The following NRG1 variants were observed in gnomAD, a reference collection of about 807,000 sequenced individuals.
The protein encoded by NRG1 is neuregulin 1.
NRG1 carries 18 observed loss-of-function variants against 63.8 expected under a neutral mutation model. That is an observed-to-expected ratio of 0.28 (90% CI 0.19 to 0.42). The LOEUF (loss-of-function observed/expected upper bound fraction) is 0.42, where lower values mean the gene tolerates loss of function less well. Ranked by LOEUF, NRG1 falls within the 10% of genes least tolerant of loss-of-function variation. The probability of loss-of-function intolerance (pLI) is 1.00; values close to 1 mark genes in which losing one functional copy is unlikely to be tolerated. For missense variants in NRG1, 762 were observed against 814.7 expected (o/e 0.94, Z 0.79); for synonymous variants, 302 against 301.3 (o/e 1.00, Z -0.02).
At chr8:32,585,362 A>T (rs1350025702) in intron 1 of NRG1, among the ~76,000 whole-genome samples, 1 of 152,200 alleles carries the variant, frequency 6.6e-6, no homozygotes, top group Non-Finnish European at 1.5e-5. Flanking sequence ...TTTATGTCCG[A>T]GAGTGAGATG....
At chr8:32,070,362 G>A (rs1311204118) in intron 1 of NRG1, among the ~76,000 whole-genome samples, 1 of 152,114 alleles carries the variant, frequency 6.6e-6, no homozygotes, top group Non-Finnish European at 1.5e-5. Context: ...ACCTTGCTCT[G>A]TAAGACTGCT....
intron 1 of NRG1, among the ~76,000 whole-genome samples, chr8:31,733,054 A>C (rs980217867): frequency 3.3e-5 from 5 of 152,178 alleles, no homozygotes; most frequent in African/African-American, 1.2e-4. Context: ...AAATGAGAAC[A>C]TGCAGCATTT....
At chr8:32,631,693 T>C (rs1850342722) in intron 5 of NRG1, among the ~76,000 whole-genome samples, 1 of 152,212 alleles carries the variant, frequency 6.6e-6, no homozygotes, top group South Asian at 2.1e-4. Flanking sequence ...ATGCTTATGG[T>C]ATTTATAGTA....
At chr8:31,767,575 C>T (rs1401558381) in intron 1 of NRG1, among the ~76,000 whole-genome samples, 2 of 152,114 alleles carry the variant, frequency 1.3e-5, no homozygotes, top group Non-Finnish European at 2.9e-5. Flanking sequence ...CACGGTGGCT[C>T]TTGCCTATAA....
chr8:32,626,473 G>T (rs568011559), intron 5 of NRG1, among the ~76,000 whole-genome samples: 8 of 151,884 alleles, frequency 5.3e-5, no homozygotes, highest in Non-Finnish European at 1.2e-4. Context: ...AAGGTCAGGA[G>T]ATCGAGACCA....
chr8:32,054,681 A>G (rs535142530), intron 1 of NRG1, among the ~76,000 whole-genome samples: 1 of 152,184 alleles, frequency 6.6e-6, no homozygotes, highest in South Asian at 2.1e-4. Context: ...CACTGTAGTA[A>G]TTAACTGGGT....
intron 1 of NRG1, among the ~76,000 whole-genome samples, chr8:32,032,016 A>T (rs1313284603): frequency 6.6e-6 from 1 of 152,136 alleles, no homozygotes; most frequent in East Asian, 1.9e-4. Flanking sequence ...TTCTGGTTTT[A>T]GATATCACAA....
chr8:32,313,742 T>A lies in NRG1; in HGVS notation c.38-282086T>A, dbSNP rs558590617. Among the ~76,000 whole-genome samples the A allele has an allele frequency of 6.6e-5, 10 of 152,312 alleles. No individual in the cohort carries two copies. In the South Asian group the frequency reaches 8.3e-4, roughly 13 times the overall value. On this transcript the variant is annotated intron_variant, in intron 1 of 10. Coordinates refer to the NRG1 transcript ENST00000519301. ...TACTGTAAAACTGGTAAATTATTTT[T>A]AAAACATCATAAGGCCCCCAAATCC...
intron 1 of NRG1, among the ~76,000 whole-genome samples, chr8:32,567,653 T>A (rs1313577442): frequency 6.6e-6 from 1 of 152,232 alleles, no homozygotes; most frequent in African/African-American, 2.4e-5. Flanking sequence ...ACTTCTTTTT[T>A]ATATAAACTG....
chr8:31,990,411 C>A (rs1586306398), intron 1 of NRG1, among the ~76,000 whole-genome samples: 1 of 151,918 alleles, frequency 6.6e-6, no homozygotes, highest in Non-Finnish European at 1.5e-5. Flanking sequence ...GTAGAAATGC[C>A]CAGACAAGAC....
At chr8:32,259,369 T>C (rs1850106538) in intron 1 of NRG1, among the ~76,000 whole-genome samples, 1 of 152,178 alleles carries the variant, frequency 6.6e-6, no homozygotes, top group South Asian at 2.1e-4. Flanking sequence ...GGGTTAGTTA[T>C]TGTGGGAGAG....
At chr8:32,647,334 C>T in intron 5 of NRG1, 4 of 985,416 alleles carry the variant, frequency 4.1e-6, no homozygotes, top group Non-Finnish European at 3.6e-6. Flanking sequence ...CAGACACCAG[C>T]TTCAGATGCT....
chr8:32,761,822 C>T (rs943066078), intron 11 of NRG1, among the ~76,000 whole-genome samples: 6 of 151,556 alleles, frequency 4.0e-5, no homozygotes, highest in Non-Finnish European at 7.4e-5. Context: ...GGGTAGATCA[C>T]GAGGTCAGGA....
At chr8:32,394,396 C>T (rs775688697) in intron 1 of NRG1, among the ~76,000 whole-genome samples, 32 of 152,208 alleles carry the variant, frequency 2.1e-4, no homozygotes, top group Non-Finnish European at 1.8e-4. Context: ...ACTTAAGCCA[C>T]GTTTTATCTA....
At chr8:32,597,188 G>A (rs1438013044) in intron 2 of NRG1, among the ~76,000 whole-genome samples, 1 of 152,138 alleles carries the variant, frequency 6.6e-6, no homozygotes, top group African/African-American at 2.4e-5. Context: ...ATCTCACAGG[G>A]TTCCAGTGAA....
chr8:32,405,113 T>C (rs763534006), intron 1 of NRG1, among the ~76,000 whole-genome samples: 2 of 152,192 alleles, frequency 1.3e-5, no homozygotes, highest in Non-Finnish European at 2.9e-5. Flanking sequence ...GTTTGCCATA[T>C]CCAGGCTGTC....
chr8:32,048,292 CAT>C (rs1030593232), intron 1 of NRG1, among the ~76,000 whole-genome samples: 6 of 149,702 alleles, frequency 4.0e-5, no homozygotes, highest in Admixed American at 2.0e-4. Flanking sequence ...CATACATGTA[CAT>C]ATATATTCAT....
At chr8:32,370,552 T>C (rs1563372109) in intron 1 of NRG1, among the ~76,000 whole-genome samples, 1 of 151,988 alleles carries the variant, frequency 6.6e-6, no homozygotes, top group Non-Finnish European at 1.5e-5. Context: ...TTATTATTAT[T>C]ATCTTAATTA....
chr8:31,867,328 TTTATTA>T (rs1829053058), intron 1 of NRG1, among the ~76,000 whole-genome samples: 1 of 152,150 alleles, frequency 6.6e-6, no homozygotes, highest in African/African-American at 2.4e-5. Flanking sequence ...TAAATGTTCT[TTTATTA>T]TTATTAATTT....
Sources: allele counts gnomAD v4.1 joint callset (sites outside exome capture counted in the v4.1 genomes callset), GRCh38; gene constraint gnomAD v4.1.1; transcripts MANE v1.5; gene names NCBI Gene and HGNC (gene_info 2026-07-23, HGNC 2026-07-21).